NPAS3: variants seen among roughly 807,000 people sequenced by gnomAD.
NPAS3 encodes the protein neuronal PAS domain protein 3.
A neutral mutation model predicts 73.1 loss-of-function variants in NPAS3; 14 were observed. That is an observed-to-expected ratio of 0.19 (90% CI 0.13 to 0.30). NPAS3 has a LOEUF of 0.30. NPAS3 is among the 10% of genes least tolerant of loss of function. The pLI, the probability that NPAS3 is intolerant of heterozygous loss-of-function variation, is 1.00. For missense variants in NPAS3, 1,096 were observed against 1,250.0 expected (o/e 0.88, Z 1.86); for synonymous variants, 620 against 541.5 (o/e 1.14, Z -2.01).
In NPAS3 at chr14:33,562,438, G is replaced by A. The variant is rs150068426; in HGVS notation, c.558+2228G>A. Among the ~76,000 whole-genome samples, 13 of 152,272 alleles carry A rather than the reference G, an allele frequency of 8.5e-5. No individual in the cohort carries two copies. The East Asian group carries it at 2.1e-3, about 25-fold the overall frequency. On this transcript the variant is annotated intron_variant, in intron 5 of 11. Transcript: ENST00000356141. ...TTCTCCTGTGGTGGATGTGTTCAGTGTTGGCAGAAACTGTCAAATATGCAG... is the reference window on the plus strand; with the variant it reads ...TTCTCCTGTGGTGGATGTGTTCAGTATTGGCAGAAACTGTCAAATATGCAG...
intron 3 of NPAS3, among the ~76,000 whole-genome samples, chr14:33,241,943 C>T (rs1015367690): frequency 3.0e-4 from 46 of 152,070 alleles, no homozygotes; most frequent in African/African-American, 9.9e-4. Flanking sequence ...ATTGATGTAA[C>T]ATGAAAATAG....
chr14:33,670,423 G>C (rs190572072), intron 5 of NPAS3, among the ~76,000 whole-genome samples: 4 of 152,236 alleles, frequency 2.6e-5, no homozygotes, highest in African/African-American at 9.6e-5. Flanking sequence ...CATAGAATGA[G>C]ACAGAGCAGT....
At chr14:33,448,435 G>A (rs1408295993) in intron 4 of NPAS3, among the ~76,000 whole-genome samples, 1 of 152,148 alleles carries the variant, frequency 6.6e-6, no homozygotes, top group Non-Finnish European at 1.5e-5. Context: ...AAAGAAGCTC[G>A]TGAGCTCCAT....
intron 4 of NPAS3, among the ~76,000 whole-genome samples, chr14:33,425,618 C>A (rs934708310): frequency 1.3e-5 from 2 of 150,572 alleles, no homozygotes; most frequent in East Asian, 3.9e-4. Context: ...TTCTTCAGTT[C>A]CACATGACTT....
intron 1 of NPAS3, among the ~76,000 whole-genome samples, chr14:32,999,240 G>A (rs1032962505): frequency 2.6e-5 from 4 of 152,082 alleles, no homozygotes; most frequent in Admixed American, 6.5e-5. Context: ...GGCCGGGTGC[G>A]GTGGCTCATG....
In NPAS3 at chr14:33,261,312, A is replaced by T. The variant is rs190760747; in HGVS notation, c.385+45886A>T. On this transcript the variant is annotated intron_variant, in intron 3 of 11. Transcript: ENST00000356141. The stretch of plus-strand genomic sequence containing the variant: ...TTTAAGCTTTTATTTAAAAAAAAAA[A>T]GAACTCATTTTCCCCTTAATGTGAC... Among the ~76,000 whole-genome samples the T allele has an allele frequency of 1.0e-3, 155 of 151,518 alleles. 2 individuals are homozygous for T. Among genetic ancestry groups the T allele is most frequent in the East Asian group, 7.7e-4 (4 of 5,170 alleles).
At chr14:33,223,632 G>A (rs1024629079) in intron 3 of NPAS3, among the ~76,000 whole-genome samples, 8 of 152,094 alleles carry the variant, frequency 5.3e-5, no homozygotes, top group African/African-American at 1.4e-4. Context: ...AGGATTTAGC[G>A]ATTATTGTCC....
intron 1 of NPAS3, among the ~76,000 whole-genome samples, chr14:33,013,522 A>G (rs1424545051): frequency 6.6e-6 from 1 of 152,132 alleles, no homozygotes; most frequent in Non-Finnish European, 1.5e-5. Context: ...TAAAGACAAA[A>G]ACCTGTGACC....
intron 5 of NPAS3, among the ~76,000 whole-genome samples, chr14:33,572,863 A>G (rs991169743): frequency 1.1e-4 from 16 of 151,922 alleles, no homozygotes; most frequent in Admixed American, 6.6e-5. Context: ...TCTCTACTAA[A>G]AATACAAAAA....
At chr14:33,743,593 T>C (rs2061708394) in intron 7 of NPAS3, among the ~76,000 whole-genome samples, 1 of 152,214 alleles carries the variant, frequency 6.6e-6, no homozygotes, top group Non-Finnish European at 1.5e-5. Context: ...TGGCTTCAAC[T>C]TAAAGTCACC....
intron 1 of NPAS3, among the ~76,000 whole-genome samples, chr14:33,024,231 G>T (rs1409563312): frequency 6.6e-6 from 1 of 151,344 alleles, no homozygotes; most frequent in East Asian, 1.9e-4. Context: ...GAGTACAGTG[G>T]CATGATCTCG....
chr14:33,323,086 T>C (rs1041625110), intron 3 of NPAS3, among the ~76,000 whole-genome samples: 2 of 152,158 alleles, frequency 1.3e-5, no homozygotes, highest in Non-Finnish European at 2.9e-5. Context: ...TTGCCTGGCT[T>C]ACAGTAGCAC....
intron 2 of NPAS3, among the ~76,000 whole-genome samples, chr14:33,091,572 C>G (rs1257130754): frequency 6.6e-6 from 1 of 152,162 alleles, no homozygotes; most frequent in Non-Finnish European, 1.5e-5. Context: ...TAAGGAGGAG[C>G]TGGTACCATT....
At chr14:33,544,051 G>T (rs1048542500) in intron 4 of NPAS3, among the ~76,000 whole-genome samples, 1 of 126,722 alleles carries the variant, frequency 7.9e-6, no homozygotes, top group African/African-American at 3.1e-5. Flanking sequence ...TTCATGTAGA[G>T]TCCTTCTCCC....
chr14:33,470,588 A>G (rs1217276905), intron 4 of NPAS3, among the ~76,000 whole-genome samples: 1 of 152,186 alleles, frequency 6.6e-6, no homozygotes, highest in African/African-American at 2.4e-5. Flanking sequence ...CCTACTTCAT[A>G]GGAAAATTCT....
intron 4 of NPAS3, among the ~76,000 whole-genome samples, chr14:33,432,503 A>G (rs1031617785): frequency 7.2e-5 from 11 of 152,194 alleles, no homozygotes; most frequent in Non-Finnish European, 1.0e-4. Context: ...CTGGTTTGGA[A>G]TAAATCTTTG....
intron 3 of NPAS3, among the ~76,000 whole-genome samples, chr14:33,266,972 T>C (rs1163311289): frequency 3.3e-5 from 5 of 152,216 alleles, no homozygotes; most frequent in African/African-American, 1.2e-4. Context: ...ACATTTGGAA[T>C]ATCTGACTTA....
intron 3 of NPAS3, among the ~76,000 whole-genome samples, chr14:33,238,705 C>T (rs902971130): frequency 3.3e-5 from 5 of 151,952 alleles, no homozygotes; most frequent in Non-Finnish European, 5.9e-5. Flanking sequence ...CTTCTTGTAA[C>T]TTTTACCTAG....
intron 4 of NPAS3, among the ~76,000 whole-genome samples, chr14:33,519,995 T>C (rs1398534392): frequency 6.6e-6 from 1 of 152,036 alleles, no homozygotes; most frequent in Non-Finnish European, 1.5e-5. Context: ...CCCAGCCAGA[T>C]CTGAAGCCTC....
Sources: allele counts gnomAD v4.1 joint callset (sites outside exome capture counted in the v4.1 genomes callset), GRCh38; gene constraint gnomAD v4.1.1; transcripts MANE v1.5; gene names NCBI Gene and HGNC (gene_info 2026-07-23, HGNC 2026-07-21).